The following CD36 variants were observed in gnomAD, a reference collection of about 807,000 sequenced individuals.
CD36 encodes the protein CD36 molecule (CD36 blood group).
A neutral mutation model predicts 55.2 loss-of-function variants in CD36; 119 were observed. The ratio of observed to expected loss-of-function variants is 2.15; its 90% CI spans 1.86 to 2.51. The LOEUF (loss-of-function observed/expected upper bound fraction) is 2.51. Ranked by LOEUF, CD36 falls within the 30% of genes most tolerant of loss-of-function variation. The probability of loss-of-function intolerance (pLI) is 0.00; values close to 1 mark genes in which losing one functional copy is unlikely to be tolerated. For missense variants in CD36, 819 were observed against 555.5 expected, an observed-to-expected ratio of 1.47 and a Z score of -4.77; for synonymous variants, 186 against 193.6, an observed-to-expected ratio of 0.96 and a Z score of 0.33.
intron 3 of CD36, among the ~76,000 whole-genome samples, chr7:80,656,062 G>A (rs1397934141): frequency 9.2e-5 from 14 of 152,044 alleles, no homozygotes; most frequent in Admixed American, 8.5e-4. Flanking sequence ...ACCATCCTCT[G>A]AAGTGTCCAA....
chr7:80,672,894 T>A (rs1329534273), intron 12 of CD36, 51 bp downstream of exon 12: 1 of 1,172,594 alleles, frequency 8.5e-7, no homozygotes. Context: ...TATCGTAGTA[T>A]CTTCTTGTAA....
chr7:80,670,346 C>T (rs938019465), intron 9 of CD36: 2 of 349,220 alleles, frequency 5.7e-6, no homozygotes, highest in African/African-American at 4.2e-5. Context: ...GTGCTCTGCT[C>T]AGATTTGTGG....
At chr7:80,637,402 T>C (rs1182999475), upstream of CD36, among the ~76,000 whole-genome samples, 1 of 152,048 alleles carries the variant, frequency 6.6e-6, no homozygotes. Flanking sequence ...GCATAAATTA[T>C]AAAGAGATTG....
Position 80,661,063 on chromosome 7 carries a change from A to G in CD36, c.282A>G (p.Arg94=), listed in dbSNP as rs1007966778. 1.2e-6 allele frequency: 2 copies of G among 1,611,494 alleles called. No homozygotes were observed. Among genetic ancestry groups the G allele is most frequent in the Middle Eastern group, 1.7e-4 (1 of 6,052 alleles). The change falls in exon 5 of 15, where the codon AGA becomes AGG. Residue 94 remains arginine, a splice_region_variant and synonymous_variant. Coordinates refer to ENST00000447544, the MANE Select transcript of CD36 (RefSeq NM_001001548.3). ...QVKQRGPYTY[R]VRFLAKENVT... ...ATTTTGTTTACTGCTATTTCTTTAG[A>G]GTTCGTTTTCTAGCCAAGGAAAATG...
chr7:80,649,886 T>C (rs895359828), intron 3 of CD36, among the ~76,000 whole-genome samples: 9 of 151,718 alleles, frequency 5.9e-5, no homozygotes, highest in Non-Finnish European at 1.2e-4. Flanking sequence ...ATCCTAGAAG[T>C]TAATAGGAGG....
intron 1 of CD36, among the ~76,000 whole-genome samples, chr7:80,644,112 C>A (rs1197171571): frequency 1.3e-5 from 2 of 152,138 alleles, no homozygotes; most frequent in African/African-American, 4.8e-5. Context: ...AAAGGAAATT[C>A]TATTTGACAA....
intron 1 of CD36, among the ~76,000 whole-genome samples, chr7:80,645,626 C>A (rs966167587): frequency 6.6e-6 from 1 of 151,808 alleles, no homozygotes; most frequent in African/African-American, 2.4e-5. Context: ...AGAAAGACTC[C>A]GTCTCAAAAA....
chr7:80,651,915 C>CA (rs1260062872), intron 3 of CD36, among the ~76,000 whole-genome samples: 3 of 151,866 alleles, frequency 2.0e-5, no homozygotes, highest in South Asian at 2.1e-4. Context: ...TCTCCCCCCG[C>CA]AAAAAATTAT....
chr7:80,661,170 C>T lies in CD36; in HGVS notation c.389C>T (p.Thr130Ile), dbSNP rs1796496564. The T allele has an allele frequency of 6.2e-7, 1 of 1,613,850 alleles. No homozygotes were observed. Among genetic ancestry groups the T allele is most frequent in the Non-Finnish European group, 8.5e-7 (1 of 1,179,876 alleles). Residue 130 changes from threonine (T) to isoleucine (I), a missense_variant, in exon 5 of 15, where the codon ACA becomes ATA. Transcript: ENST00000447544. ...AIFEPSLSVG[T>I]EADNFTVLNL... Reference sequence around the variant, plus strand: ...TTCGAACCTTCACTATCAGTTGGAACAGAGGCTGACAACTTCACAGTTCTC... The same window carrying T: ...TTCGAACCTTCACTATCAGTTGGAATAGAGGCTGACAACTTCACAGTTCTC...
intron 1 of CD36, among the ~76,000 whole-genome samples, chr7:80,645,052 C>T (rs1392436506): frequency 2.7e-5 from 4 of 146,642 alleles, no homozygotes; most frequent in African/African-American, 1.0e-4. Flanking sequence ...TGGAGTTTCA[C>T]TCTTGTTGCC....
chr7:80,625,295 A>G (rs949662772), intron 1 of CD36, among the ~76,000 whole-genome samples: 1 of 152,100 alleles, frequency 6.6e-6, no homozygotes, highest in African/African-American at 2.4e-5. Context: ...GTCACACATG[A>G]TTATTTCTAT....
chr7:80,619,085 T>A (rs1793319385), intron 1 of CD36, among the ~76,000 whole-genome samples: 1 of 152,116 alleles, frequency 6.6e-6, no homozygotes, highest in South Asian at 2.1e-4. Flanking sequence ...CTTACAACCA[T>A]TATAAAAATC....
In CD36 at chr7:80,663,045, T is replaced by A. The variant is rs1796681246; in HGVS notation, c.485T>A (p.Ile162Asn). 6 of 1,613,514 alleles carry A rather than the reference T, an allele frequency of 3.7e-6. No individual in the cohort carries two copies. The highest frequency in any genetic ancestry group is 1.3e-5 in the African/African-American group (1 of 75,046). The change falls in exon 6 of 15, where the codon ATT becomes AAT. Residue 162 changes from isoleucine to asparagine, a missense_variant. Transcript: ENST00000447544. ...GTTCAAATGATCCTCAATTCACTTA[T>A]TAACAAGTCAAAATCTTCTATGTTC... Reference protein sequence around the residue: ...QFVQMILNSLINKSKSSMFQV... With the variant: ...QFVQMILNSLNNKSKSSMFQV...
upstream of CD36, among the ~76,000 whole-genome samples, chr7:80,634,255 T>C (rs1162755343): frequency 1.3e-5 from 2 of 152,040 alleles, no homozygotes; most frequent in Non-Finnish European, 2.9e-5. Flanking sequence ...TCCTACTATG[T>C]GTTGACTATG....
chr7:80,619,092 A>C (rs1584287421), intron 1 of CD36, among the ~76,000 whole-genome samples: 1 of 152,274 alleles, frequency 6.6e-6, no homozygotes, highest in Non-Finnish European at 1.5e-5. Context: ...CCATTATAAA[A>C]ATCCTAGGGC....
chr7:80,624,692 C>G (rs1245062028), intron 1 of CD36, among the ~76,000 whole-genome samples: 1 of 151,894 alleles, frequency 6.6e-6, no homozygotes, highest in Non-Finnish European at 1.5e-5. Flanking sequence ...GAAAACACAG[C>G]AAAACCCTGT....
intron 14 of CD36, chr7:80,674,381 A>G: frequency 6.6e-6 from 3 of 454,928 alleles, no homozygotes; most frequent in Non-Finnish European, 1.2e-5. Flanking sequence ...CCATTGTAAC[A>G]ATAGCACAAA....
At position 80,672,807 on chromosome 7, in the gene CD36, A is replaced by C. The variant is rs201355711; in HGVS notation, c.1163A>C (p.Gln388Pro). The C allele has an allele frequency of 1.2e-6, 2 of 1,611,058 alleles. No individual in the cohort carries two copies. The highest frequency in any genetic ancestry group is 2.7e-5 in the African/African-American group (2 of 74,812). ...ACTTTACAATTTGCAAAACGGCTGC[A>C]GGTCAACCTATTGGTCAAGCCATCA... ...GFTLQFAKRL[Q>P]VNLLVKPSEK... The change falls in exon 12 of 15, where the codon CAG becomes CCG. Residue 388 changes from glutamine (Q) to proline (P), a missense_variant. Transcript: ENST00000447544.
intron 1 of CD36, among the ~76,000 whole-genome samples, chr7:80,624,798 G>A (rs1227933306): frequency 1.3e-5 from 2 of 151,936 alleles, no homozygotes; most frequent in East Asian, 3.9e-4. Flanking sequence ...TCATTTTTTA[G>A]CCAAAGATGT....
Sources: gnomAD v4.1 joint callset for allele counts (sites outside exome capture counted in the v4.1 genomes callset) on GRCh38, gnomAD v4.1.1 for gene constraint, MANE v1.5 for transcripts, NCBI Gene and HGNC (gene_info 2026-07-23, HGNC 2026-07-21) for gene names.